Variants in CENPT observed in about 807,000 individuals in gnomAD.
The protein encoded by CENPT is interphase centromere complex protein 22.
In CENPT, 42 loss-of-function variants were observed where a neutral mutation model predicts 59.7. That is an observed-to-expected ratio of 0.70 (90% CI 0.55 to 0.91). The LOEUF is 0.91. Among genes scored for constraint, CENPT ranks in the 40% least tolerant of loss-of-function variants. The pLI is 0.00. For missense variants in CENPT, 716 were observed against 713.4 expected, an observed-to-expected ratio of 1.00 and a Z score of -0.04; for synonymous variants, 295 against 289.6, an observed-to-expected ratio of 1.02 and a Z score of -0.19.
At chr16:67,831,122 C>G in intron 10 of CENPT, 94 bp downstream of exon 10, 1 of 1,559,834 alleles carries the variant, frequency 6.4e-7, no homozygotes, top group Non-Finnish European at 8.8e-7. Flanking sequence ...TTGACCCCAC[C>G]GAGAGGGGTG....
At chr16:67,838,038 C>T (rs1187428360) in intron 1 of CENPT, among the ~76,000 whole-genome samples, 2 of 152,160 alleles carry the variant, frequency 1.3e-5, no homozygotes, top group Non-Finnish European at 1.5e-5. Flanking sequence ...GAGGTTCTTG[C>T]CTTTCTCCAG....
chr16:67,828,857 T>G lies in CENPT; in HGVS notation c.1281-14A>C, dbSNP rs2057642429. ...TCTGAAGATAAGCTGAGGGCAACAG[T>G]GGACAGAGGGGGCTGAACTTGCCTC... is the stretch of plus-strand genomic sequence containing the variant. On this transcript the variant is annotated splice_polypyrimidine_tract_variant and intron_variant, in intron 13 of 15. Transcript: ENST00000562787. 1.3e-6 allele frequency: 2 copies of G among 1,567,806 alleles called. No homozygotes were observed. The highest frequency in any genetic ancestry group is 4.5e-5 in the East Asian group (2 of 44,460).
chr16:67,847,477 C>G lies in CENPT; in HGVS notation c.-568G>C, dbSNP rs548151323. Reference sequence around the variant, plus strand: ...CATGGGTAAGGGCGCCCGCCTGCCGCAGCCGGGGCTTGGGCCCCTCACCCT... The same window carrying G: ...CATGGGTAAGGGCGCCCGCCTGCCGGAGCCGGGGCTTGGGCCCCTCACCCT... On this transcript the variant is annotated 5_prime_UTR_variant, in exon 1 of 16. Coordinates refer to ENST00000562787, the MANE Select transcript of CENPT (RefSeq NM_025082.4). 81 of 152,430 alleles carry G rather than the reference C, an allele frequency of 5.3e-4. No homozygotes were observed. Among genetic ancestry groups the G allele is most frequent in the African/African-American group, 1.7e-3 (71 of 41,574 alleles). The allele number at this position is 152,430 out of a possible 1,614,324, so 9.4% of individuals were successfully genotyped here.
chr16:67,829,822 C>T lies in CENPT; in HGVS notation c.1129G>A (p.Ala377Thr), dbSNP rs1248887880. ...GATGCTCCTGGCCCGTCAGCCTCAGCAGTCCCCTGGGATCCCTCTGCTTCT... is the reference window on the plus strand; with the variant it reads ...GATGCTCCTGGCCCGTCAGCCTCAGTAGTCCCCTGGGATCCCTCTGCTTCT... Reference protein sequence around the residue: ...VTEAEGSQGTAEADGPGASSG... With the variant: ...VTEAEGSQGTTEADGPGASSG... The change falls in exon 12 of 16, where the codon GCT becomes ACT. Residue 377 changes from alanine (A) to threonine (T), a missense_variant. Physicochemically the swap from Ala to Thr is moderately conservative, Grantham distance 58 (BLOSUM62 0). Transcript: ENST00000562787. 1.9e-6 allele frequency: 3 copies of T among 1,614,154 alleles called. No homozygotes were observed. The highest frequency in any genetic ancestry group is 1.1e-5 in the South Asian group (1 of 91,094).
At position 67,833,868 on chromosome 16, in the gene CENPT, CCCCGGG is replaced by C; in HGVS notation, c.-15_-10del. 1 of 1,501,080 alleles carries C rather than the reference CCCCGGG, an allele frequency of 6.7e-7. No individual in the cohort carries two copies. The highest frequency in any genetic ancestry group is 8.9e-7 in the Non-Finnish European group (1 of 1,128,376). The allele number at this position is 1,501,080 out of a possible 1,614,324, so 93.0% of individuals were successfully genotyped here. ...GGGTTGTGGTCAGCCATCGTCTCGGCCCCGGGCCCTCCTAACCGCCCAGCCAGCTGC... is the reference window on the plus strand; with the variant it reads ...GGGTTGTGGTCAGCCATCGTCTCGGCCCCTCCTAACCGCCCAGCCAGCTGC... On this transcript the variant is annotated 5_prime_UTR_variant, in exon 4 of 16. Transcript: ENST00000562787.
chr16:67,841,193 C>CAAAAAAAAA (rs772893427), intron 1 of CENPT, among the ~76,000 whole-genome samples: 2 of 27,572 alleles, frequency 7.3e-5, no homozygotes, highest in African/African-American at 1.0e-4. Context: ...GACTCCTTTA[C>CAAAAAAAAA]AAAAAAAAAA....
In CENPT at chr16:67,842,534, G is replaced by T. The variant is rs2057769234; in HGVS notation, c.-492+4867C>A. The stretch of plus-strand genomic sequence containing the variant: ...AGAGCGCAGGAGGCCGGTGGGCCGG[G>T]CCGGGCCGCGCGGCGCAGCCATGCC... On this transcript the variant is annotated intron_variant, in intron 1 of 15. Coordinates refer to ENST00000562787, the MANE Select transcript of CENPT (RefSeq NM_025082.4). This position sits in a 1 kb window ranked among gnomAD's most constrained non-coding sequence, Gnocchi z 4.9. 2 of 1,490,190 alleles carry T rather than the reference G, an allele frequency of 1.3e-6. No individual in the cohort carries two copies. The highest frequency in any genetic ancestry group is 1.8e-6 in the Non-Finnish European group (2 of 1,117,348). 92.3% of individuals were successfully genotyped at this position (1,490,190 alleles called of 1,614,324 possible).
At chr16:67,832,965 C>G (rs1449812250) in intron 4 of CENPT, among the ~76,000 whole-genome samples, 1 of 152,208 alleles carries the variant, frequency 6.6e-6, no homozygotes, top group Non-Finnish European at 1.5e-5. Context: ...ACACCTTAGT[C>G]TCTCCAGTCC....
rs1598139897 is a variant in CENPT, at chr16:67,829,952, T to C, written c.999A>G (p.Ala333=). ...CACCTTCTTCTTCCATCTTTTTCTC[T>C]GCCTCTTCAACTCCATCGTGTAAGG... ...VEPLHDGVEE[A]EKKMEEEGVS... Residue 333 remains alanine (A), a synonymous_variant, in exon 12 of 16, where the codon GCA becomes GCG. Transcript: ENST00000562787. The C allele has an allele frequency of 6.2e-7, 1 of 1,614,264 alleles. No individual in the cohort carries two copies. Among genetic ancestry groups the C allele is most frequent in the South Asian group, 1.1e-5 (1 of 91,090 alleles).
At chr16:67,830,849 G>A (rs2057680405) in intron 10 of CENPT, 5 of 511,556 alleles carry the variant, frequency 9.8e-6, no homozygotes, top group Admixed American at 7.0e-5. Flanking sequence ...GTTCTGCTCC[G>A]TCTTCCCAAA....
In CENPT at chr16:67,833,783, C is replaced by A; in HGVS notation, c.77G>T (p.Arg26Leu). 1 of 1,564,064 alleles carries A rather than the reference C, an allele frequency of 6.4e-7. No individual in the cohort carries two copies. The highest frequency in any genetic ancestry group is 1.2e-5 in the South Asian group (1 of 85,414). ...AGCACTCCGGGGTCGCCGCGGGGTGCGCGGGTCCGCTGTATCCAGCACGCG... is the reference window on the plus strand; with the variant it reads ...AGCACTCCGGGGTCGCCGCGGGGTGAGCGGGTCCGCTGTATCCAGCACGCG... ...LRRVLDTADP[R>L]TPRRPRSARA... Residue 26 changes from arginine to leucine, a missense_variant, in exon 4 of 16, where the codon CGC becomes CTC. Physicochemically the swap from Arg to Leu is moderately radical, Grantham distance 102. Transcript: ENST00000562787.
At position 67,843,045 on chromosome 16, in the gene CENPT, T is replaced by G; in HGVS notation, c.-492+4356A>C. ...GTGCTTCTCACCCTTCAGGCCACTGTAGACAGCAGTCAGGCTCCGGGATCC... is the reference window on the plus strand; with the variant it reads ...GTGCTTCTCACCCTTCAGGCCACTGGAGACAGCAGTCAGGCTCCGGGATCC... On this transcript the variant is annotated intron_variant, in intron 1 of 15. Transcript: ENST00000562787. The surrounding 1 kb of genome is among the most constrained non-coding windows in gnomAD (Gnocchi z 5.7). 10 of 1,612,364 alleles carry G rather than the reference T, an allele frequency of 6.2e-6. No individual in the cohort carries two copies. The highest frequency in any genetic ancestry group is 8.5e-6 in the Non-Finnish European group (10 of 1,180,028).
intron 1 of CENPT, among the ~76,000 whole-genome samples, chr16:67,839,149 G>A (rs1206794929): frequency 6.6e-6 from 1 of 152,036 alleles, no homozygotes; most frequent in African/African-American, 2.4e-5. Flanking sequence ...CACTTTGGGA[G>A]GCTGAGATGG....
chr16:67,832,793 G>A (rs2057706159), intron 4 of CENPT, among the ~76,000 whole-genome samples: 1 of 152,164 alleles, frequency 6.6e-6, no homozygotes, highest in African/African-American at 2.4e-5. Context: ...GGCTGGGAAA[G>A]GCTTCACAGA....
rs1567373991 is a variant in CENPT, at chr16:67,842,540, C to T, written c.-492+4861G>A. On this transcript the variant is annotated intron_variant, in intron 1 of 15. Transcript: ENST00000562787. The surrounding 1 kb of genome is among the most constrained non-coding windows in gnomAD (Gnocchi z 4.9). ...CAGGAGGCCGGTGGGCCGGGCCGGG[C>T]CGCGCGGCGCAGCCATGCCTGGCTT... 2 of 1,495,494 alleles carry T rather than the reference C, an allele frequency of 1.3e-6. No individual in the cohort carries two copies. Among genetic ancestry groups the T allele is most frequent in the Non-Finnish European group, 8.9e-7 (1 of 1,119,264 alleles). The allele number at this position is 1,495,494 out of a possible 1,614,324, so 92.6% of individuals were successfully genotyped here.
chr16:67,830,490 C>G lies in CENPT; in HGVS notation c.762G>C (p.Val254=), dbSNP rs951033959. 1 of 1,614,028 alleles carries G rather than the reference C, an allele frequency of 6.2e-7. No individual in the cohort carries two copies. The highest frequency in any genetic ancestry group is 8.5e-7 in the Non-Finnish European group (1 of 1,180,012). ...FSQPMVGSPN[V]YHSLPCTPHT... is the part of the protein sequence containing the mutation. ...GAGGCGTGCAGGGCAGGGAGTGATA[C>G]ACGTTGGGGGAGCCAACCATGGGCT... The change falls in exon 11 of 16, where the codon GTG becomes GTC. Residue 254 remains valine, a synonymous_variant. Coordinates refer to ENST00000562787, the MANE Select transcript of CENPT (RefSeq NM_025082.4).
At chr16:67,831,705 C>T in intron 8 of CENPT, 49 bp downstream of exon 8, 1 of 1,598,406 alleles carries the variant, frequency 6.3e-7, no homozygotes, top group Non-Finnish European at 8.5e-7. Flanking sequence ...CTCAGCCTCT[C>T]CAGAGGACAG....
At chr16:67,839,338 C>T (rs995082517) in intron 1 of CENPT, among the ~76,000 whole-genome samples, 3 of 144,494 alleles carry the variant, frequency 2.1e-5, no homozygotes, top group African/African-American at 7.7e-5. Flanking sequence ...GAGCCTAGAT[C>T]GTGCCACTTC....
intron 12 of CENPT, 116 bp downstream of exon 12, chr16:67,829,649 T>C (rs1177480904): frequency 7.5e-7 from 1 of 1,329,950 alleles, no homozygotes; most frequent in African/African-American, 1.5e-5. Context: ...CCCCTCAGTG[T>C]CTCCCTGACC....
Sources: gnomAD v4.1 joint callset for allele counts (sites outside exome capture counted in the v4.1 genomes callset) on GRCh38, gnomAD v4.1.1 for gene constraint, Gnocchi (gnomAD v3.1) non-coding constraint, MANE v1.5 for transcripts, NCBI Gene and HGNC (gene_info 2026-07-23, HGNC 2026-07-21) for gene names.